RAD21: variants seen among roughly 807,000 people sequenced by gnomAD.
RAD21 encodes the protein RAD21 cohesin complex component, also known as double-strand-break repair protein rad21 homolog.
Under a neutral mutation model 71.5 loss-of-function variants are expected in RAD21, and 18 were observed. The ratio of observed to expected loss-of-function variants is 0.25; its 90% confidence interval spans 0.17 to 0.37. RAD21 has a LOEUF of 0.37. Ranked by LOEUF, RAD21 falls within the 10% of genes least tolerant of loss-of-function variation. The pLI, the probability that RAD21 is intolerant of heterozygous loss-of-function variation, is 1.00. For synonymous variants in RAD21, 248 were observed against 254.0 expected (o/e 0.98, Z 0.22); for missense variants, 493 against 769.1 (o/e 0.64, Z 4.25).
intron 6 of RAD21, 138 bp downstream of exon 6, chr8:116,857,129 C>T (rs956859132): frequency 9.9e-6 from 7 of 707,790 alleles, no homozygotes; most frequent in Admixed American, 2.9e-5. Context: ...CCGAAATGTC[C>T]TATTGAACCA....
In RAD21 at chr8:116,854,407, A is replaced by G. The variant is rs768725843; in HGVS notation, c.999T>C (p.Asp333=). 9.3e-6 allele frequency: 15 copies of G among 1,613,864 alleles called. No homozygotes were observed. Among genetic ancestry groups the G allele is most frequent in the East Asian group, 4.5e-5 (2 of 44,888 alleles). Residue 333 remains aspartate, a synonymous_variant, in exon 9 of 14, where the codon GAT becomes GAC. Transcript: ENST00000297338. ...TAAGTTGGGCTCTAATTGTCTTGCT[A>G]TCCAACTCTTTGACACTGTCAACAA... ...KLIVDSVKEL[D]SKTIRAQLSD...
intron 10 of RAD21, 88 bp from the exon 11 acceptor site, chr8:116,852,184 A>C (rs1404706984): frequency 9.3e-6 from 11 of 1,178,834 alleles, no homozygotes; most frequent in Non-Finnish European, 1.3e-5. Context: ...TAGTACACTA[A>C]GACATACATA....
intron 12 of RAD21, 83 bp downstream of exon 12, chr8:116,850,535 C>CAATT: frequency 6.5e-7 from 1 of 1,545,114 alleles, no homozygotes; most frequent in Non-Finnish European, 8.7e-7. Flanking sequence ...TGCTCAGCAT[C>CAATT]AATTAAGTTA....
Position 116,874,700 on chromosome 8 carries a change from C to A in RAD21, c.-122G>T. On this transcript the variant is annotated 5_prime_UTR_variant, in exon 1 of 14. Transcript: ENST00000297338. ...GGGTGGGGAAAGGGGGGAGCCCTTG[C>A]GAGGTGTAGCTTCCGAGCAGCTCCC... 1 of 432,702 alleles carries A rather than the reference C, an allele frequency of 2.3e-6. No individual in the cohort carries two copies. Among genetic ancestry groups the A allele is most frequent in the Non-Finnish European group, 4.6e-6 (1 of 215,510 alleles). 26.8% of individuals were successfully genotyped at this position (432,702 alleles called of 1,614,324 possible).
chr8:116,847,820 G>C (rs966434593), intron 13 of RAD21, 129 bp from the exon 14 acceptor site: 1 of 904,806 alleles, frequency 1.1e-6, no homozygotes, highest in African/African-American at 1.7e-5. Context: ...CAGTGTTAGA[G>C]ATGGAGCCTA....
intron 1 of RAD21, among the ~76,000 whole-genome samples, chr8:116,871,981 C>T (rs1812830519): frequency 6.6e-6 from 1 of 152,094 alleles, no homozygotes; most frequent in Non-Finnish European, 1.5e-5. Context: ...ATTAATAAAC[C>T]CAAACAACGG....
intron 8 of RAD21, among the ~76,000 whole-genome samples, chr8:116,855,717 T>G (rs575584385): frequency 8.5e-5 from 13 of 152,056 alleles, no homozygotes; most frequent in African/African-American, 3.1e-4. Flanking sequence ...TGTTTTTTTT[T>G]TAAAAAGAAT....
Position 116,863,366 on chromosome 8 carries a change from C to G in RAD21, c.145-107G>C, listed in dbSNP as rs143183410. 5.6e-3 allele frequency: 6,628 copies of G among 1,179,902 alleles called. 27 individuals are homozygous for G. The highest frequency in any genetic ancestry group is 6.6e-3 in the Non-Finnish European group (5,657 of 853,122). 73.1% of individuals were successfully genotyped at this position (1,179,902 alleles called of 1,614,324 possible). A position where few individuals can be genotyped will look rare whatever the true frequency, so the allele number is the denominator to read the frequency against. On this transcript the variant is annotated intron_variant, in intron 2 of 13. Transcript: ENST00000297338. The stretch of plus-strand genomic sequence containing the variant: ...TTGCCTTATAATCACATACATTTCT[C>G]TGTCCTTACCTATAAATTCCCTGAA...
At chr8:116,868,364 T>G (rs987928255) in intron 1 of RAD21, among the ~76,000 whole-genome samples, 1 of 152,218 alleles carries the variant, frequency 6.6e-6, no homozygotes, top group African/African-American at 2.4e-5. Flanking sequence ...TTCCGTGAGA[T>G]TCATATACCA....
chr8:116,874,774 G>A lies in RAD21; in HGVS notation c.-196C>T, dbSNP rs886179478. The A allele has an allele frequency of 4.4e-6, 2 of 456,442 alleles. No individual in the cohort carries two copies. Among genetic ancestry groups the A allele is most frequent in the South Asian group, 3.1e-5 (2 of 64,528 alleles). 28.3% of individuals were successfully genotyped at this position (456,442 alleles called of 1,614,324 possible). On this transcript the variant is annotated 5_prime_UTR_variant, in exon 1 of 14. Coordinates refer to ENST00000297338, the MANE Select transcript of RAD21 (RefSeq NM_006265.3). ...CTTTCCGATTCACTCAAACAAACAA[G>A]ATGGCTGCCGTTACGCCGCGGCTCT...
chr8:116,870,527 C>G (rs1010027862), intron 1 of RAD21, among the ~76,000 whole-genome samples: 8 of 152,140 alleles, frequency 5.3e-5, no homozygotes, highest in African/African-American at 1.9e-4. Flanking sequence ...CGGAAGAGAG[C>G]CTCCTATGTT....
At chr8:116,850,930 T>C (rs556425829) in intron 11 of RAD21, 163 bp from the exon 12 acceptor site, 1 of 430,040 alleles carries the variant, frequency 2.3e-6, no homozygotes, top group Non-Finnish European at 4.1e-6. Flanking sequence ...TATATATCTT[T>C]TTTGATTTTT....
chr8:116,873,479 G>A (rs1812883586), intron 1 of RAD21, among the ~76,000 whole-genome samples: 1 of 152,098 alleles, frequency 6.6e-6, no homozygotes. Flanking sequence ...GACTCGCACT[G>A]CCCGCTGGCA....
At chr8:116,848,438 A>G (rs1812287943) in intron 13 of RAD21, among the ~76,000 whole-genome samples, 1 of 152,230 alleles carries the variant, frequency 6.6e-6, no homozygotes, top group South Asian at 2.1e-4. Flanking sequence ...AAATTAATAA[A>G]CACATGTCAA....
chr8:116,873,651 C>T (rs956844739), intron 1 of RAD21, among the ~76,000 whole-genome samples: 3 of 151,516 alleles, frequency 2.0e-5, no homozygotes, highest in Non-Finnish European at 4.4e-5. Context: ...TTTTTTCACG[C>T]TGAAGACACT....
chr8:116,858,537 A>ACCAGACT, intron 4 of RAD21, 79 bp from the exon 5 acceptor site: 1 of 1,139,576 alleles, frequency 8.8e-7, no homozygotes, highest in Non-Finnish European at 1.3e-6. Flanking sequence ...CTATAAGAAA[A>ACCAGACT]ATTAAAAAAA....
Position 116,854,232 on chromosome 8 carries a change from CA to C in RAD21, c.1161+12del. The C allele has an allele frequency of 6.3e-7, 1 of 1,578,192 alleles. No individual in the cohort carries two copies. Among genetic ancestry groups the C allele is most frequent in the Non-Finnish European group, 8.6e-7 (1 of 1,156,802 alleles). On this transcript the variant is annotated intron_variant, in intron 9 of 13. Coordinates refer to ENST00000297338, the MANE Select transcript of RAD21 (RefSeq NM_006265.3). ...AAATGTATATGAAGTAAAAATTCTG[CA>C]AACTATATTACCTTCAGTAGTCTGT... is the stretch of plus-strand genomic sequence containing the variant.
intron 9 of RAD21, among the ~76,000 whole-genome samples, chr8:116,853,800 G>A (rs1812403455): frequency 6.6e-6 from 1 of 152,112 alleles, no homozygotes; most frequent in African/African-American, 2.4e-5. Context: ...ACTGTGGAAT[G>A]TGAGCAGAAA....
At position 116,866,573 on chromosome 8, in the gene RAD21, A is replaced by T. The variant is rs773769970; in HGVS notation, c.144+13T>A. On this transcript the variant is annotated intron_variant, in intron 2 of 13. Transcript: ENST00000297338. ...ATCAACAAAGTGAATAAAAATGTCA[A>T]CATCAAACATACCTTTGGTGAGATG... The T allele has an allele frequency of 3.1e-6, 5 of 1,589,138 alleles. No homozygotes were observed. The African/African-American group carries it at 4.1e-5, about 13-fold the overall frequency.
Sources: allele counts gnomAD v4.1 joint callset (sites outside exome capture counted in the v4.1 genomes callset), GRCh38; gene constraint gnomAD v4.1.1; transcripts MANE v1.5; gene names NCBI Gene and HGNC (gene_info 2026-07-23, HGNC 2026-07-21).